The following UNC80 variants were observed in gnomAD, a reference collection of about 807,000 sequenced individuals.
UNC80 encodes unc-80 subunit of NALCN channel complex.
Under a neutral mutation model 384.6 loss-of-function variants are expected in UNC80, and 164 were observed. The ratio of observed to expected loss-of-function variants is 0.43; its 90% CI spans 0.38 to 0.49. The LOEUF (loss-of-function observed/expected upper bound fraction) is 0.49. UNC80 is among the 20% of genes least tolerant of loss of function. The pLI is 0.00. For synonymous variants in UNC80, 1,486 were observed against 1,527.8 expected (o/e 0.97, Z 0.64); for missense variants, 3,330 against 4,143.0 (o/e 0.80, Z 5.39).
chr2:209,818,027 T>C (rs2079869807), intron 11 of UNC80, 75 bp downstream of exon 11: 2 of 1,488,892 alleles, frequency 1.3e-6, no homozygotes, highest in South Asian at 2.6e-5. Context: ...CCATGTTACT[T>C]TCCCATTGTA....
chr2:209,965,727 T>C (rs1009029458), intron 51 of UNC80, among the ~76,000 whole-genome samples: 1 of 151,964 alleles, frequency 6.6e-6, no homozygotes, highest in Non-Finnish European at 1.5e-5. Context: ...GGCCAGAAGG[T>C]CTTATTTATG....
At chr2:209,807,087 A>G (rs1197324829) in intron 7 of UNC80, among the ~76,000 whole-genome samples, 3 of 152,210 alleles carry the variant, frequency 2.0e-5, no homozygotes, top group Non-Finnish European at 4.4e-5. Context: ...AATTTTGTAT[A>G]GGGTCAATTA....
Position 209,820,304 on chromosome 2 carries a change from T to G in UNC80, c.1963-7T>G. 6.6e-7 allele frequency: 1 copy of G among 1,521,908 alleles called. No individual in the cohort carries two copies. Among genetic ancestry groups the G allele is most frequent in the South Asian group, 1.3e-5 (1 of 77,884 alleles). The allele number at this position is 1,521,908 out of a possible 1,614,324, so 94.3% of individuals were successfully genotyped here. On this transcript the variant is annotated splice_region_variant and splice_polypyrimidine_tract_variant and intron_variant, in intron 12 of 64. Transcript: ENST00000673920. ...TAATCATGCTGTGTTTATCTTGTTTTCCTCAGGTAGTTCTGAAGGCTGTTT... is the reference window on the plus strand; with the variant it reads ...TAATCATGCTGTGTTTATCTTGTTTGCCTCAGGTAGTTCTGAAGGCTGTTT...
Position 209,969,859 on chromosome 2 carries a change from C to G in UNC80, c.8098C>G (p.Leu2700Val), listed in dbSNP as rs2092832863. 2 of 1,551,674 alleles carry G rather than the reference C, an allele frequency of 1.3e-6. No individual in the cohort carries two copies. The highest frequency in any genetic ancestry group is 2.0e-5 in the Admixed American group (1 of 50,978). ...RQPIISFLPHLRSLINVCVNL... is the reference protein window; with the variant it reads ...RQPIISFLPHVRSLINVCVNL... The stretch of plus-strand genomic sequence containing the variant: ...GCCAATCATATCCTTCCTGCCTCAC[C>G]TTAGGTCACTGATCAATGTCTGTGT... The change falls in exon 53 of 65, where the codon CTT becomes GTT. Residue 2700 changes from leucine (L) to valine (V), a missense_variant. By Grantham distance (32) the Leu-to-Val change is conservative. Transcript: ENST00000673920.
chr2:209,786,357 T>C (rs1251639521), intron 5 of UNC80, among the ~76,000 whole-genome samples, 168 bp downstream of exon 5: 1 of 152,192 alleles, frequency 6.6e-6, no homozygotes, highest in Non-Finnish European at 1.5e-5. Flanking sequence ...GAAACTACTC[T>C]GAATCAAGAG....
intron 47 of UNC80, 73 bp from the exon 48 acceptor site, chr2:209,954,027 T>C (rs2092306780): frequency 6.9e-7 from 1 of 1,452,728 alleles, no homozygotes; most frequent in African/African-American, 1.4e-5. Flanking sequence ...CATTGTTCTA[T>C]GCTCTTAAGT....
intron 12 of UNC80, among the ~76,000 whole-genome samples, 190 bp downstream of exon 12, chr2:209,819,451 T>A (rs894033132): frequency 3.3e-5 from 5 of 151,318 alleles, no homozygotes; most frequent in African/African-American, 1.2e-4. Flanking sequence ...TTTTCAAGCA[T>A]TGCATTAGAT....
chr2:209,850,262 A>G (rs1268230111), intron 22 of UNC80, among the ~76,000 whole-genome samples: 2 of 152,114 alleles, frequency 1.3e-5, no homozygotes, highest in African/African-American at 4.8e-5. Context: ...GTGAGTTTTG[A>G]ACTCAGCCTC....
At chr2:209,936,778 C>T in intron 40 of UNC80, 66 bp from the exon 41 acceptor site, 4 of 1,138,060 alleles carry the variant, frequency 3.5e-6, no homozygotes, top group Non-Finnish European at 3.9e-6. Flanking sequence ...GTATCTGTCA[C>T]CTTACTACCT....
chr2:209,921,567 A>C lies in UNC80; in HGVS notation c.5411A>C (p.Gln1804Pro). The C allele has an allele frequency of 1.3e-6, 2 of 1,549,430 alleles. No homozygotes were observed. The highest frequency in any genetic ancestry group is 1.7e-6 in the Non-Finnish European group (2 of 1,145,588). ...QRAEHILKNL[Q>P]QEEEKKRLGR... The stretch of plus-strand genomic sequence containing the variant: ...GCAGAACACATCTTAAAGAACTTGC[A>C]GCAGGAGGAAGAAAAGAAACGACTT... The change falls in exon 34 of 65, where the codon CAG becomes CCG. Residue 1804 changes from glutamine (Q) to proline (P), a missense_variant. Gln to Pro is a moderately conservative substitution (Grantham distance 76). This residue lies in a region of UNC80 where 1,049 missense variants were observed against 1,488.6 expected (regional missense o/e 0.70). Transcript: ENST00000673920.
chr2:209,938,692 C>G (rs1035539331), intron 42 of UNC80, among the ~76,000 whole-genome samples: 19 of 150,286 alleles, frequency 1.3e-4, no homozygotes, highest in Middle Eastern at 3.4e-3. Flanking sequence ...CTCTCTCTCT[C>G]TCTCTCTCTC....
chr2:209,772,364 GTT>G (rs2076624088), intron 1 of UNC80, among the ~76,000 whole-genome samples, 200 bp downstream of exon 1: 1 of 150,918 alleles, frequency 6.6e-6, no homozygotes, highest in Non-Finnish European at 1.5e-5. Flanking sequence ...TTTCAGTGAA[GTT>G]TGACGACAAG....
At chr2:209,880,936 A>T in intron 24 of UNC80, 25 bp from the exon 25 acceptor site, 1 of 1,550,816 alleles carries the variant, frequency 6.4e-7, no homozygotes, top group Non-Finnish European at 8.7e-7. Context: ...TTGTCTCCTT[A>T]TGAAAGAACA....
intron 22 of UNC80, among the ~76,000 whole-genome samples, chr2:209,860,223 C>G (rs6729513): frequency 0.17 from 26,470 of 151,902 alleles, 3,169 homozygotes; most frequent in African/African-American, 0.34. Flanking sequence ...GTAAGGAAGG[C>G]GTCCAGTTTC....
chr2:209,898,085 G>T (rs2086984453), intron 28 of UNC80, among the ~76,000 whole-genome samples: 1 of 152,042 alleles, frequency 6.6e-6, no homozygotes, highest in East Asian at 1.9e-4. Context: ...TATTGTTTTT[G>T]ATATTGGTGG....
intron 28 of UNC80, among the ~76,000 whole-genome samples, chr2:209,899,140 T>A (rs1216430748): frequency 6.6e-6 from 1 of 152,222 alleles, no homozygotes; most frequent in African/African-American, 2.4e-5. Context: ...TGAATCTATT[T>A]TCTTTACTCT....
At chr2:209,797,631 CAT>C (rs1369253446) in intron 7 of UNC80, among the ~76,000 whole-genome samples, 1 of 152,172 alleles carries the variant, frequency 6.6e-6, no homozygotes, top group Non-Finnish European at 1.5e-5. Flanking sequence ...CTGCAATAAA[CAT>C]ATGTGTGCAT....
intron 23 of UNC80, 126 bp from the exon 24 acceptor site, chr2:209,877,828 A>G (rs2084917087): frequency 1.8e-6 from 2 of 1,098,780 alleles, no homozygotes; most frequent in East Asian, 3.0e-5. Flanking sequence ...ACACTGTGGC[A>G]TACAGAAGAG....
intron 22 of UNC80, among the ~76,000 whole-genome samples, chr2:209,858,952 A>G (rs2083149711): frequency 6.6e-6 from 1 of 152,068 alleles, no homozygotes; most frequent in Non-Finnish European, 1.5e-5. Flanking sequence ...GTATAGTTTC[A>G]CATTTTAAAA....
Sources: allele counts gnomAD v4.1 joint callset (sites outside exome capture counted in the v4.1 genomes callset), GRCh38; gene constraint gnomAD v4.1.1; regional missense constraint gnomAD v4.1.1; transcripts MANE v1.5; gene names NCBI Gene and HGNC (gene_info 2026-07-23, HGNC 2026-07-21).